NIBAN2: variants seen among roughly 807,000 people sequenced by gnomAD.
NIBAN2 encodes the protein protein Niban 2.
Under a neutral mutation model 81.8 loss-of-function variants are expected in NIBAN2, and 36 were observed. The ratio of observed to expected loss-of-function variants is 0.44; its 90% CI spans 0.34 to 0.58. NIBAN2 has a LOEUF of 0.58. Ranked by LOEUF, NIBAN2 falls within the 20% of genes least tolerant of loss-of-function variation. The pLI is 0.02. For missense variants in NIBAN2, 897 were observed against 1,014.1 expected, an observed-to-expected ratio of 0.88 and a Z score of 1.57; for synonymous variants, 445 against 441.6, an observed-to-expected ratio of 1.01 and a Z score of -0.10.
At chr9:127,513,108 C>T (rs902421956) in intron 8 of NIBAN2, among the ~76,000 whole-genome samples, 7 of 152,154 alleles carry the variant, frequency 4.6e-5, no homozygotes, top group Admixed American at 4.6e-4. Context: ...CAGCCAGGCA[C>T]AGAAAGACAA....
At position 127,536,592 on chromosome 9, in the gene NIBAN2, A is replaced by C. The variant is rs1190247803; in HGVS notation, c.56-4814T>G. ...TCTTTCCTCCATACTTGCCCACAGC[A>C]GCTCTTTCCATTTCCTGCCGCAGCC... is the stretch of plus-strand genomic sequence containing the variant. On this transcript the variant is annotated intron_variant, in intron 1 of 13. Coordinates refer to ENST00000373312, the MANE Select transcript of NIBAN2 (RefSeq NM_022833.4). This position sits in a 1 kb window ranked among gnomAD's most constrained non-coding sequence, Gnocchi z 4.0. Among the ~76,000 whole-genome samples, 1 of 152,180 alleles carries C rather than the reference A, an allele frequency of 6.6e-6. No individual in the cohort carries two copies. Among genetic ancestry groups the C allele is most frequent in the Non-Finnish European group, 1.5e-5 (1 of 68,026 alleles).
chr9:127,529,469 T>C (rs1041597628), intron 2 of NIBAN2, among the ~76,000 whole-genome samples: 3 of 152,174 alleles, frequency 2.0e-5, no homozygotes, highest in African/African-American at 7.2e-5. Context: ...TGAAACCCTG[T>C]CTCTACTAAA....
chr9:127,573,318 T>C (rs1336590127), upstream of NIBAN2, among the ~76,000 whole-genome samples: 4 of 151,940 alleles, frequency 2.6e-5, no homozygotes, highest in East Asian at 7.7e-4. Context: ...TGTTGTTTTT[T>C]TTTTTCACTC....
chr9:127,526,825 G>A (rs531909077), intron 3 of NIBAN2, among the ~76,000 whole-genome samples: 1 of 152,310 alleles, frequency 6.6e-6, no homozygotes, highest in South Asian at 2.1e-4. Flanking sequence ...TGGCTGTCGA[G>A]GGTGGGAGGG....
chr9:127,569,147 ACCCCGCCCCCTCCCCGCCCGCTG>A (rs1837913433), upstream of NIBAN2: 1 of 799,984 alleles, frequency 1.3e-6, no homozygotes, highest in Non-Finnish European at 1.4e-6. Flanking sequence ...CCGCAGGCCA[ACCCCGCCCCCTCCCCGCCCGCTG>A]CCCTGCGCCC....
At chr9:127,566,323 G>T (rs1837858669) in intron 1 of NIBAN2, among the ~76,000 whole-genome samples, 1 of 152,064 alleles carries the variant, frequency 6.6e-6, no homozygotes, top group Non-Finnish European at 1.5e-5. Context: ...AGAGGAAGTG[G>T]CCTACCCAAG....
chr9:127,576,341 C>G (rs1473174186), intron 1 of NIBAN2, among the ~76,000 whole-genome samples: 1 of 152,080 alleles, frequency 6.6e-6, no homozygotes, highest in Non-Finnish European at 1.5e-5. Flanking sequence ...TGCTTGTAAA[C>G]TTCCAGGAAG....
At position 127,559,268 on chromosome 9, in the gene NIBAN2, C is replaced by T. The variant is rs192790739; in HGVS notation, c.55+9552G>A. On this transcript the variant is annotated intron_variant, in intron 1 of 13. Transcript: ENST00000373312. The surrounding 1 kb of genome is among the most constrained non-coding windows in gnomAD (Gnocchi z 4.0). ...CTTTCAGAGCAAGCTCTTCCTTCAA[C>T]GGCAAGATGGCCTCCTGCAATGTGG... Among the ~76,000 whole-genome samples the T allele has an allele frequency of 7.1e-4, 108 of 152,350 alleles. 1 individual carries two copies. The highest frequency in any genetic ancestry group is 2.4e-3 in the African/African-American group (101 of 41,588).
chr9:127,532,824 G>A (rs1316120243), intron 1 of NIBAN2, among the ~76,000 whole-genome samples: 1 of 151,810 alleles, frequency 6.6e-6, no homozygotes, highest in Non-Finnish European at 1.5e-5. Context: ...CTTGAGCCCA[G>A]GAGTTTGAGA....
rs1046136572 is a variant in NIBAN2, at chr9:127,507,642, T to C, written c.1655-211A>G. Among the ~76,000 whole-genome samples, 2 of 152,186 alleles carry C rather than the reference T, an allele frequency of 1.3e-5. No homozygotes were observed. The highest frequency in any genetic ancestry group is 1.3e-4 in the Admixed American group (2 of 15,286). On this transcript the variant is annotated intron_variant, in intron 13 of 13. Coordinates refer to ENST00000373312, the MANE Select transcript of NIBAN2 (RefSeq NM_022833.4). The surrounding 1 kb of genome is among the most constrained non-coding windows in gnomAD (Gnocchi z 6.8). ...ACCACATGTCATCTAATCACTCCTC[T>C]GACCCTCCCAGCAAAGCCAAGGACG...
rs1003018580 is a variant in NIBAN2, at chr9:127,517,315, C to G, written c.706-99G>C. The G allele has an allele frequency of 3.3e-5, 32 of 968,390 alleles. No individual in the cohort carries two copies. The highest frequency in any genetic ancestry group is 4.6e-5 in the Non-Finnish European group (29 of 637,182). 60.0% of individuals were successfully genotyped at this position (968,390 alleles called of 1,614,324 possible). A position where few individuals can be genotyped will look rare whatever the true frequency, so the allele number is the denominator to read the frequency against. On this transcript the variant is annotated intron_variant, in intron 6 of 13. Coordinates refer to ENST00000373312, the MANE Select transcript of NIBAN2 (RefSeq NM_022833.4). The surrounding 1 kb of genome is among the most constrained non-coding windows in gnomAD (Gnocchi z 4.0). ...CAAGCCAGGCCGCTGCAGCCCCCAC[C>G]TCCTCCGCGACTGGCCCATTGCTTC...
In NIBAN2 at chr9:127,525,571, T is replaced by TCA. The variant is rs1220470252; in HGVS notation, c.316-409_316-408insTG. On this transcript the variant is annotated intron_variant, in intron 3 of 13. Coordinates refer to ENST00000373312, the MANE Select transcript of NIBAN2 (RefSeq NM_022833.4). ...GCCATGTGAGGACTGAGTGAGATAA[T>TCA]CTGCAGTGCCTGGCACACCACAAGG... 1.2e-4 allele frequency among the ~76,000 whole-genome samples: 19 copies of TCA among 152,262 alleles called. No individual in the cohort carries two copies. The East Asian group carries it at 3.7e-3, about 29-fold the overall frequency.
intron 1 of NIBAN2, among the ~76,000 whole-genome samples, chr9:127,554,949 A>T (rs567809284): frequency 1.3e-5 from 2 of 152,310 alleles, no homozygotes; most frequent in South Asian, 4.1e-4. Flanking sequence ...CAAAAAACAA[A>T]AAACAAAAAT....
At chr9:127,578,760 G>A (rs1471254712) in intron 1 of NIBAN2, among the ~76,000 whole-genome samples, 1 of 152,012 alleles carries the variant, frequency 6.6e-6, no homozygotes, top group African/African-American at 2.4e-5. Flanking sequence ...GGGAGGTCAA[G>A]AAGTGAGGAT....
At chr9:127,574,360 G>T (rs977633774) in intron 1 of NIBAN2, among the ~76,000 whole-genome samples, 3 of 151,774 alleles carry the variant, frequency 2.0e-5, no homozygotes, top group East Asian at 3.9e-4. Flanking sequence ...AACCTGCCCC[G>T]CCCCTCCCCT....
intron 1 of NIBAN2, among the ~76,000 whole-genome samples, chr9:127,558,393 G>T (rs776874090): frequency 6.6e-6 from 1 of 152,152 alleles, no homozygotes; most frequent in Non-Finnish European, 1.5e-5. Flanking sequence ...CAAGGCCCTG[G>T]GTTCCAGCCA....
chr9:127,527,194 C>A lies in NIBAN2; in HGVS notation c.315G>T (p.Ala105=), dbSNP rs372753355. ...TGTGGCGCCCGGGGCCAGGCCTCAC[C>A]GCTTTGTTTTCGTAGAGCACCAGCC... ...NYGLVLYENK[A]AYERQVPPRA... The change falls in exon 3 of 14, where the codon GCG becomes GCT. Residue 105 remains alanine, a splice_region_variant and synonymous_variant. Transcript: ENST00000373312. 2 of 1,613,118 alleles carry A rather than the reference C, an allele frequency of 1.2e-6. No individual in the cohort carries two copies. The highest frequency in any genetic ancestry group is 1.1e-5 in the South Asian group (1 of 91,070).
chr9:127,557,673 T>C (rs1209186076), intron 1 of NIBAN2, among the ~76,000 whole-genome samples: 2 of 152,202 alleles, frequency 1.3e-5, no homozygotes, highest in African/African-American at 4.8e-5. Flanking sequence ...CAGGCCAGGA[T>C]TGGAGGTTTG....
intron 1 of NIBAN2, among the ~76,000 whole-genome samples, chr9:127,537,095 T>C (rs78932745): frequency 6.6e-5 from 10 of 152,168 alleles, no homozygotes; most frequent in Non-Finnish European, 1.5e-4. Context: ...AGGCAGGGAA[T>C]GGAGTGGGGC....
Sources: allele counts gnomAD v4.1 joint callset (sites outside exome capture counted in the v4.1 genomes callset), GRCh38; gene constraint gnomAD v4.1.1; non-coding constraint Gnocchi (gnomAD v3.1); transcripts MANE v1.5; gene names NCBI Gene and HGNC (gene_info 2026-07-23, HGNC 2026-07-21).